Variants in SLC26A7 observed in about 807,000 individuals in gnomAD.
SLC26A7 encodes anion exchange transporter.
In SLC26A7, 59 loss-of-function variants were observed where a neutral mutation model predicts 82.5. That is an observed-to-expected ratio of 0.72 (90% CI 0.58 to 0.89). SLC26A7 has a LOEUF of 0.89. Among genes scored for constraint, SLC26A7 ranks in the 40% least tolerant of loss-of-function variants. The probability of loss-of-function intolerance (pLI) is 0.00; values close to 1 mark genes in which losing one functional copy is unlikely to be tolerated. For missense variants in SLC26A7, 820 were observed against 793.0 expected (o/e 1.03, Z -0.41); for synonymous variants, 271 against 274.3 (o/e 0.99, Z 0.12).
chr8:91,246,663 G>A (rs1030566054), upstream of SLC26A7, among the ~76,000 whole-genome samples: 1 of 150,794 alleles, frequency 6.6e-6, no homozygotes, highest in Non-Finnish European at 1.5e-5. Flanking sequence ...TTGTGCCATC[G>A]CACTCCGGCC....
At chr8:91,215,943 G>A (rs1810038032) in intron 1 of SLC26A7, among the ~76,000 whole-genome samples, 1 of 152,182 alleles carries the variant, frequency 6.6e-6, no homozygotes, top group African/African-American at 2.4e-5. Context: ...AGGGCAGCAA[G>A]TGTTAAGGTG....
intron 13 of SLC26A7, among the ~76,000 whole-genome samples, chr8:91,365,780 G>T (rs916175664): frequency 6.6e-6 from 1 of 151,950 alleles, no homozygotes; most frequent in African/African-American, 2.4e-5. Flanking sequence ...TGTATGCATC[G>T]CTATTCTTTG....
chr8:91,326,908 C>G (rs35655394), intron 5 of SLC26A7, among the ~76,000 whole-genome samples: 33,181 of 152,136 alleles, frequency 0.22, 4,772 homozygotes, highest in Non-Finnish European at 0.32. Context: ...CAACTTCTGC[C>G]TCTGTCTTCA....
rs776616349 is a variant in SLC26A7 at position 91,295,613 on chromosome 8, GAGTAACACA to G, written c.390_398del (p.Asn131_Ser133del). ...AGAACATGCAGAATCTCACCACACA[GAGTAACACA>G]AGCGTGCTGGGCTTATCCGACTTTG... On this transcript the variant is annotated inframe_deletion, in exon 4 of 19. Transcript: ENST00000276609. 6.2e-6 allele frequency: 10 copies of G among 1,613,992 alleles called. No individual in the cohort carries two copies. The Admixed American group carries it at 1.5e-4, about 24-fold the overall frequency.
At chr8:91,276,106 A>G (rs1296303838) in intron 2 of SLC26A7, among the ~76,000 whole-genome samples, 1 of 152,184 alleles carries the variant, frequency 6.6e-6, no homozygotes, top group African/African-American at 2.4e-5. Flanking sequence ...ATCATCCCAC[A>G]TGCATGGTGT....
chr8:91,363,381 C>A, intron 12 of SLC26A7, 91 bp from the exon 13 acceptor site: 1 of 690,698 alleles, frequency 1.4e-6, no homozygotes, highest in South Asian at 1.7e-5. Flanking sequence ...CAGACACATT[C>A]TAGTTATTAA....
chr8:91,354,153 A>G (rs1315607620), intron 11 of SLC26A7, among the ~76,000 whole-genome samples: 2 of 152,114 alleles, frequency 1.3e-5, no homozygotes, highest in Non-Finnish European at 2.9e-5. Context: ...AAGAAATGAG[A>G]AGATGCAAAC....
At position 91,260,745 on chromosome 8, in the gene SLC26A7, A is replaced by G. The variant is rs536533328; in HGVS notation, c.193+10901A>G. 4.6e-5 allele frequency among the ~76,000 whole-genome samples: 7 copies of G among 152,136 alleles called. No individual in the cohort carries two copies. The South Asian group carries it at 1.2e-3, about 27-fold the overall frequency. ...CTGTTGGACTTGGGGTTTCTTGATC[A>G]TAGTGATTCTTCGTGTTCATGCTTG... On this transcript the variant is annotated intron_variant, in intron 2 of 18. Transcript: ENST00000276609.
intron 7 of SLC26A7, 116 bp from the exon 8 acceptor site, chr8:91,340,288 G>A (rs556025263): frequency 2.3e-6 from 3 of 1,292,610 alleles, no homozygotes; most frequent in Admixed American, 4.6e-5. Flanking sequence ...TTTTCTCATG[G>A]GTATTTCACT....
intron 14 of SLC26A7, among the ~76,000 whole-genome samples, chr8:91,367,047 AC>A (rs1814214888): frequency 6.6e-6 from 1 of 151,276 alleles, no homozygotes; most frequent in South Asian, 2.1e-4. Context: ...TCGCTGTGTC[AC>A]CCAGGCTGGA....
intron 2 of SLC26A7, among the ~76,000 whole-genome samples, chr8:91,226,000 C>T (rs1251873889): frequency 6.6e-6 from 1 of 152,108 alleles, no homozygotes; most frequent in Non-Finnish European, 1.5e-5. Flanking sequence ...CATTCCTTTT[C>T]CCCATCCCTT....
chr8:91,392,653 A>G (rs768953155), intron 16 of SLC26A7, among the ~76,000 whole-genome samples: 13 of 152,160 alleles, frequency 8.5e-5, no homozygotes. Context: ...CACTCCTTGC[A>G]TTGTTTTCTT....
chr8:91,326,297 T>C (rs1812929628), intron 5 of SLC26A7, among the ~76,000 whole-genome samples: 3 of 152,100 alleles, frequency 2.0e-5, no homozygotes, highest in African/African-American at 7.2e-5. Flanking sequence ...ACAGACGAGG[T>C]GGCTTAAACA....
intron 2 of SLC26A7, among the ~76,000 whole-genome samples, chr8:91,267,105 T>C (rs566193949): frequency 1.3e-5 from 2 of 152,082 alleles, no homozygotes; most frequent in African/African-American, 4.8e-5. Context: ...TCATCGTGAA[T>C]GATTTTTCTT....
At chr8:91,374,756 G>T (rs964182349) in intron 15 of SLC26A7, among the ~76,000 whole-genome samples, 7 of 152,132 alleles carry the variant, frequency 4.6e-5, no homozygotes, top group Non-Finnish European at 7.4e-5. Context: ...ATCCAGTCAA[G>T]AATCCAATTT....
chr8:91,300,054 A>G (rs1812121672), intron 4 of SLC26A7, among the ~76,000 whole-genome samples: 1 of 152,158 alleles, frequency 6.6e-6, no homozygotes, highest in Non-Finnish European at 1.5e-5. Flanking sequence ...AAACTTGCTG[A>G]TACTTTTATT....
chr8:91,325,816 G>A (rs1191329170), intron 5 of SLC26A7, among the ~76,000 whole-genome samples: 3 of 152,150 alleles, frequency 2.0e-5, no homozygotes, highest in African/African-American at 4.8e-5. Context: ...AAATGTGCAC[G>A]TGTTTGTCTA....
chr8:91,288,313 A>G (rs1282037705), intron 2 of SLC26A7, among the ~76,000 whole-genome samples: 1 of 152,156 alleles, frequency 6.6e-6, no homozygotes, highest in Non-Finnish European at 1.5e-5. Flanking sequence ...ATTTGAATGA[A>G]TTTGTCGTTC....
chr8:91,260,249 G>C (rs1262647477), intron 2 of SLC26A7, among the ~76,000 whole-genome samples: 1 of 152,114 alleles, frequency 6.6e-6, no homozygotes, highest in Admixed American at 6.6e-5. Context: ...GGAGAGAGAA[G>C]AGAGCAAGGG....
Sources: allele counts gnomAD v4.1 joint callset (sites outside exome capture counted in the v4.1 genomes callset), GRCh38; gene constraint gnomAD v4.1.1; transcripts MANE v1.5; gene names NCBI Gene and HGNC (gene_info 2026-07-23, HGNC 2026-07-21).